NRG1: variants seen among roughly 807,000 people sequenced by gnomAD.
NRG1 encodes the protein neuregulin 1, also known as pro-neuregulin-1, membrane-bound isoform.
In NRG1, 18 loss-of-function variants were observed where a neutral mutation model predicts 63.8. The ratio of observed to expected loss-of-function variants is 0.28; its 90% CI spans 0.19 to 0.42. The LOEUF is 0.42. Among genes scored for constraint, NRG1 ranks in the 10% least tolerant of loss-of-function variants. The pLI, the probability that NRG1 is intolerant of heterozygous loss-of-function variation, is 1.00. For synonymous variants in NRG1, 302 were observed against 301.3 expected, an observed-to-expected ratio of 1.00 and a Z score of -0.02; for missense variants, 762 against 814.7, an observed-to-expected ratio of 0.94 and a Z score of 0.79.
intron 1 of NRG1, among the ~76,000 whole-genome samples, chr8:32,300,082 ACTT>A (rs2129475043): frequency 6.6e-6 from 1 of 152,212 alleles, no homozygotes; most frequent in East Asian, 1.9e-4. Flanking sequence ...ACCTCACATG[ACTT>A]CATTGTTCTC....
chr8:32,329,624 G>A (rs377552049), intron 1 of NRG1, among the ~76,000 whole-genome samples: 9 of 152,212 alleles, frequency 5.9e-5, no homozygotes, highest in East Asian at 3.9e-4. Flanking sequence ...ACTTGGCAAC[G>A]AGTCCCTCTT....
intron 1 of NRG1, among the ~76,000 whole-genome samples, chr8:31,791,637 G>A (rs1820721250): frequency 6.6e-6 from 1 of 152,106 alleles, no homozygotes; most frequent in African/African-American, 2.4e-5. Flanking sequence ...CTCAGTGGCT[G>A]GATCTTCATG....
At chr8:32,019,049 T>C (rs760710937) in intron 1 of NRG1, among the ~76,000 whole-genome samples, 4 of 152,250 alleles carry the variant, frequency 2.6e-5, no homozygotes, top group Non-Finnish European at 5.9e-5. Flanking sequence ...GTTCTTTCGA[T>C]TTTTTGCCCT....
intron 1 of NRG1, among the ~76,000 whole-genome samples, chr8:31,991,445 A>G (rs1811078786): frequency 6.7e-6 from 1 of 149,946 alleles, no homozygotes; most frequent in Non-Finnish European, 1.5e-5. Context: ...TTATCATTTC[A>G]GTGACCAGTT....
intron 11 of NRG1, chr8:32,760,705 C>G: frequency 8.6e-7 from 1 of 1,164,840 alleles, no homozygotes; most frequent in Non-Finnish European, 1.1e-6. Context: ...CAGACCCACT[C>G]GGGGTCTCAG....
chr8:31,990,676 C>T (rs1810911411), intron 1 of NRG1, among the ~76,000 whole-genome samples: 1 of 152,158 alleles, frequency 6.6e-6, no homozygotes, highest in Non-Finnish European at 1.5e-5. Context: ...CACTTTTCCT[C>T]TGCTAAACCA....
intron 1 of NRG1, among the ~76,000 whole-genome samples, chr8:32,290,614 C>A (rs578239226): frequency 6.6e-6 from 1 of 152,170 alleles, no homozygotes; most frequent in South Asian, 2.1e-4. Context: ...CTGTCTTATG[C>A]CCACGTGAAG....
At chr8:32,466,371 C>CA (rs35722571) in intron 1 of NRG1, among the ~76,000 whole-genome samples, 4,259 of 125,084 alleles carry the variant, frequency 0.034, 103 homozygotes, top group African/African-American at 0.077. Flanking sequence ...ACCTTGACAT[C>CA]AAAAAAAAAA....
At position 32,014,344 on chromosome 8, in the gene NRG1, GCT is replaced by G. The variant is rs969247788; in HGVS notation, c.37+374916_37+374917del. 5.3e-5 allele frequency among the ~76,000 whole-genome samples: 8 copies of G among 152,078 alleles called. 1 individual carries two copies. The South Asian group carries it at 1.5e-3, about 28-fold the overall frequency. On this transcript the variant is annotated intron_variant, in intron 1 of 10. Transcript: ENST00000519301. ...TGAATGGGAGCTCACTCATGATTTGGCTCTGTTTGTCTCTTATTGGTATATAG... is the reference window on the plus strand; with the variant it reads ...TGAATGGGAGCTCACTCATGATTTGGCTGTTTGTCTCTTATTGGTATATAG...
intron 1 of NRG1, among the ~76,000 whole-genome samples, chr8:31,705,063 G>T (rs1026189027): frequency 6.6e-6 from 1 of 151,900 alleles, no homozygotes; most frequent in Non-Finnish European, 1.5e-5. Flanking sequence ...TTGAGACGGA[G>T]TCTCTGTCTG....
chr8:32,196,844 CT>C (rs1237959027), intron 1 of NRG1, among the ~76,000 whole-genome samples: 2 of 139,210 alleles, frequency 1.4e-5, no homozygotes, highest in Non-Finnish European at 3.1e-5. Context: ...TCTATTTCAT[CT>C]TTTTTTATAT....
intron 1 of NRG1, among the ~76,000 whole-genome samples, chr8:32,031,612 C>T (rs1771673822): frequency 1.3e-5 from 2 of 152,254 alleles, no homozygotes; most frequent in South Asian, 4.2e-4. Flanking sequence ...GATCTCCCTC[C>T]TCTTGCCCCC....
intron 1 of NRG1, among the ~76,000 whole-genome samples, chr8:32,077,188 G>A (rs1048084118): frequency 6.6e-6 from 1 of 152,138 alleles, no homozygotes; most frequent in African/African-American, 2.4e-5. Context: ...CCAACATGGT[G>A]AAACCCCGTC....
chr8:32,363,092 G>T (rs1169153118), intron 1 of NRG1, among the ~76,000 whole-genome samples: 1 of 152,140 alleles, frequency 6.6e-6, no homozygotes, highest in Non-Finnish European at 1.5e-5. Flanking sequence ...CCCTCTTGGT[G>T]CCTCATAAAC....
intron 1 of NRG1, among the ~76,000 whole-genome samples, chr8:32,219,872 A>G (rs1326524580): frequency 1.3e-5 from 2 of 152,216 alleles, no homozygotes; most frequent in African/African-American, 4.8e-5. Flanking sequence ...CATGTAGCCT[A>G]AGAGATTTTT....
chr8:32,182,779 A>G, intron 1 of NRG1, among the ~76,000 whole-genome samples: 1 of 152,142 alleles, frequency 6.6e-6, no homozygotes, highest in Admixed American at 6.5e-5. Flanking sequence ...TATGGTTTAT[A>G]TTTTTTGCTG....
At chr8:32,697,361 T>C (rs916661155) in intron 5 of NRG1, among the ~76,000 whole-genome samples, 1 of 152,224 alleles carries the variant, frequency 6.6e-6, no homozygotes, top group African/African-American at 2.4e-5. Context: ...AGTTATTAAA[T>C]TTTTCCTACT....
chr8:31,764,905 A>AC (rs1308613282), intron 1 of NRG1, among the ~76,000 whole-genome samples: 1 of 97,920 alleles, frequency 1.0e-5, no homozygotes, highest in Non-Finnish European at 1.9e-5. Context: ...CCACCCCACA[A>AC]GGGTCCCCAG....
chr8:32,126,227 C>T (rs1834050529), intron 1 of NRG1, among the ~76,000 whole-genome samples: 1 of 151,714 alleles, frequency 6.6e-6, no homozygotes, highest in Non-Finnish European at 1.5e-5. Context: ...GAATTAGTAC[C>T]CCACTTCCCA....
Sources: allele counts gnomAD v4.1 joint callset (sites outside exome capture counted in the v4.1 genomes callset), GRCh38; gene constraint gnomAD v4.1.1; transcripts MANE v1.5; gene names NCBI Gene and HGNC (gene_info 2026-07-23, HGNC 2026-07-21).